COL2A1: variants seen among roughly 807,000 people sequenced by gnomAD.
The protein encoded by COL2A1 is collagen alpha-1(II) chain.
COL2A1 carries 28 observed loss-of-function variants against 204.5 expected under a neutral mutation model. The observed-to-expected ratio is 0.14, with a 90% CI of 0.10 to 0.19. COL2A1 has a LOEUF of 0.19. Ranked by LOEUF, COL2A1 falls within the 10% of genes least tolerant of loss-of-function variation. The pLI is 1.00. For synonymous variants in COL2A1, 708 were observed against 718.7 expected (o/e 0.99, Z 0.24); for missense variants, 1,388 against 2,027.5 (o/e 0.68, Z 6.06).
intron 16 of COL2A1, 73 bp from the exon 17 acceptor site, chr12:47,989,878 A>G: frequency 6.9e-7 from 1 of 1,441,492 alleles, no homozygotes; most frequent in Non-Finnish European, 9.7e-7. Flanking sequence ...GCCCACCCTT[A>G]CAGAAAACGA....
At chr12:47,994,301 A>G (rs1455012810) in intron 12 of COL2A1, 123 bp downstream of exon 12, 10 of 1,106,948 alleles carry the variant, frequency 9.0e-6, no homozygotes, top group Non-Finnish European at 1.4e-5. Context: ...GGTCGTGATA[A>G]ATATAGGGGC....
rs755824570 is a variant in COL2A1, at chr12:47,982,617, G to A, written c.2194-8C>T. On this transcript the variant is annotated splice_polypyrimidine_tract_variant and splice_region_variant and intron_variant, in intron 33 of 53. Transcript: ENST00000380518. ...TGCTGGGCCAGATGCACCCTGGGGA[G>A]GGAGGTAAGAGGGAGTCTGTAGTGG... 2 of 1,601,518 alleles carry A rather than the reference G, an allele frequency of 1.2e-6. No individual in the cohort carries two copies. The highest frequency in any genetic ancestry group is 1.7e-4 in the Middle Eastern group (1 of 5,874).
chr12:47,987,025 G>A lies in COL2A1; in HGVS notation c.1365+53C>T. 1 of 1,587,482 alleles carries A rather than the reference G, an allele frequency of 6.3e-7. No individual in the cohort carries two copies. Among genetic ancestry groups the A allele is most frequent in the Non-Finnish European group, 8.7e-7 (1 of 1,155,778 alleles). ...GAGAGCATGGGAAAGAGGGGTGATGGGGTTTGACTCCAGAGATGTCAGTGG... is the reference window on the plus strand; with the variant it reads ...GAGAGCATGGGAAAGAGGGGTGATGAGGTTTGACTCCAGAGATGTCAGTGG... On this transcript the variant is annotated intron_variant, in intron 21 of 53. Coordinates refer to ENST00000380518, the MANE Select transcript of COL2A1 (RefSeq NM_001844.5). This position sits in a 1 kb window ranked among gnomAD's most constrained non-coding sequence, Gnocchi z 4.1.
At position 48,000,001 on chromosome 12, in the gene COL2A1, T is replaced by C; in HGVS notation, c.210A>G (p.Glu70=). 6.2e-7 allele frequency: 1 copy of C among 1,614,218 alleles called. No homozygotes were observed. Among genetic ancestry groups the C allele is most frequent in the African/African-American group, 1.3e-5 (1 of 75,058 alleles). ...CAGGGCTGAGGCAGTCTTTCACGTC[T>C]TCACAGATTATGTCGTCGCAGAGGA... ...GTVLCDDIIC[E]DVKDCLSPEI... The change falls in exon 2 of 54, where the codon GAA becomes GAG. Residue 70 remains glutamate (E), a synonymous_variant. Coordinates refer to ENST00000380518, the MANE Select transcript of COL2A1 (RefSeq NM_001844.5).
chr12:48,005,897 G>T (rs1940452254), upstream of COL2A1, among the ~76,000 whole-genome samples: 1 of 152,214 alleles, frequency 6.6e-6, no homozygotes, highest in Non-Finnish European at 1.5e-5. Context: ...CCCATCCCTA[G>T]CCTATCATGC....
Position 47,982,584 on chromosome 12 carries a change from G to T in COL2A1, c.2219C>A (p.Pro740His), listed in dbSNP as rs774819000. The part of the protein sequence containing the change: ...PKGASGPAGP[P>H]GAQGPPGLQG... ...AAGACCTGGAGGGCCCTGAGCCCCAGGGGGGCCTGCTGGGCCAGATGCACC... is the reference window on the plus strand; with the variant it reads ...AAGACCTGGAGGGCCCTGAGCCCCATGGGGGCCTGCTGGGCCAGATGCACC... Residue 740 changes from proline (P) to histidine (H), a missense_variant, in exon 34 of 54, where the codon CCT becomes CAT. Around this residue, in one of 3 missense-constraint regions of COL2A1, gnomAD observed 884 missense variants for 1,415.8 expected, o/e 0.62. Transcript: ENST00000380518. The T allele has an allele frequency of 7.4e-6, 12 of 1,612,986 alleles. No homozygotes were observed. Among genetic ancestry groups the T allele is most frequent in the Non-Finnish European group, 8.5e-6 (10 of 1,179,592 alleles).
Position 48,000,101 on chromosome 12 carries a change from T to C in COL2A1, c.110A>G (p.Asp37Gly). The change falls in exon 2 of 54, where the codon GAT (aspartate) becomes GGT (glycine). Residue 37 changes from aspartate (D) to glycine (G), a missense_variant. Physicochemically the swap from Asp to Gly is moderately conservative, Grantham distance 94 (BLOSUM62 -1). Around this residue, in one of 3 missense-constraint regions of COL2A1, gnomAD observed 201 missense variants for 242.4 expected, o/e 0.83. Transcript: ENST00000380518. ...DVQEAGSCVQ[D>G]GQRYNDKDVW... The stretch of plus-strand genomic sequence containing the variant: ...ATCCTTATCATTATACCTCTGCCCA[T>C]CCTGCACACAGCTGCCAGCCTCCTC... The C allele has an allele frequency of 6.2e-7, 1 of 1,612,734 alleles. No individual in the cohort carries two copies. The highest frequency in any genetic ancestry group is 8.5e-7 in the Non-Finnish European group (1 of 1,179,804).
Position 47,999,655 on chromosome 12 carries a change from T to TTTTTTG in COL2A1, c.292+263_292+264insCAAAAA. ...GAGGATTTTTTTTTTTTTTTTTTTG[T>TTTTTTG]AGAATCACATCTGTCCTTCATGTGT... On this transcript the variant is annotated intron_variant, in intron 2 of 53. Coordinates refer to ENST00000380518, the MANE Select transcript of COL2A1 (RefSeq NM_001844.5). The TTTTTTG allele has an allele frequency of 1.1e-5, 2 of 185,846 alleles. 1 individual carries two copies. Among genetic ancestry groups the TTTTTTG allele is most frequent in the Non-Finnish European group, 2.2e-5 (2 of 90,690 alleles). 11.5% of individuals were successfully genotyped at this position (185,846 alleles called of 1,614,324 possible).
At chr12:47,988,517 A>G (rs1006720475) in intron 18 of COL2A1, 2 of 155,182 alleles carry the variant, frequency 1.3e-5, no homozygotes, top group African/African-American at 4.8e-5. Flanking sequence ...AGCCCCCCTC[A>G]CCTTCCGCTG....
chr12:47,975,262 C>A, intron 51 of COL2A1, 55 bp downstream of exon 51: 3 of 1,602,458 alleles, frequency 1.9e-6, no homozygotes, highest in Non-Finnish European at 1.7e-6. Flanking sequence ...TGCTGCTAGG[C>A]CTAAGGGATG....
At chr12:47,995,384 T>C in intron 10 of COL2A1, 76 bp from the exon 11 acceptor site, 1 of 1,298,930 alleles carries the variant, frequency 7.7e-7, no homozygotes, top group African/African-American at 1.5e-5. Flanking sequence ...ACTTTGACAT[T>C]GTAGTTTTGG....
At chr12:47,986,300 A>G (rs769379033) in intron 23 of COL2A1, 36 bp downstream of exon 23, 45 of 1,375,572 alleles carry the variant, frequency 3.3e-5, no homozygotes, top group Non-Finnish European at 4.4e-5. Flanking sequence ...TCGAGGTCAC[A>G]GGCCCCATGG....
intron 8 of COL2A1, 116 bp from the exon 9 acceptor site, chr12:47,996,035 A>G (rs1269602799): frequency 1.2e-6 from 1 of 835,848 alleles, no homozygotes; most frequent in Non-Finnish European, 2.1e-6. Flanking sequence ...CTCTGTGGGC[A>G]AGGGGCCTAG....
intron 27 of COL2A1, 51 bp downstream of exon 27, chr12:47,984,944 G>A (rs1939308164): frequency 1.4e-6 from 2 of 1,470,784 alleles, no homozygotes; most frequent in Non-Finnish European, 1.9e-6. Flanking sequence ...AGAGGGCAGG[G>A]AGGTAGGTAG....
intron 8 of COL2A1, 28 bp from the exon 9 acceptor site, chr12:47,995,947 T>C: frequency 6.3e-7 from 1 of 1,596,792 alleles, no homozygotes; most frequent in South Asian, 1.1e-5. Context: ...ATGAGGGGTT[T>C]ACTACACATG....
rs933389871 is a variant in COL2A1 at position 47,985,485 on chromosome 12, C to T, written c.1734+49G>A. ...TCCATCTCTCTTTTCCCTTGCTTCC[C>T]CAGGGAGATCCCCCCACCCTCCTAG... On this transcript the variant is annotated intron_variant, in intron 26 of 53. Transcript: ENST00000380518. 2.5e-6 allele frequency: 4 copies of T among 1,584,790 alleles called. No homozygotes were observed. In the Admixed American group the frequency reaches 5.0e-5, roughly 20 times the overall value.
At chr12:47,996,392 C>G (rs1265995508) in intron 8 of COL2A1, among the ~76,000 whole-genome samples, 156 bp downstream of exon 8, 1 of 152,206 alleles carries the variant, frequency 6.6e-6, no homozygotes, top group Non-Finnish European at 1.5e-5. Flanking sequence ...CCATTAAAAA[C>G]CAAATGCTTT....
intron 1 of COL2A1, among the ~76,000 whole-genome samples, chr12:48,001,563 A>G (rs1940234020): frequency 6.6e-6 from 1 of 152,048 alleles, no homozygotes; most frequent in Non-Finnish European, 1.5e-5. Context: ...AGAGGGGGAA[A>G]TGCTAGGAGA....
intron 28 of COL2A1, among the ~76,000 whole-genome samples, 194 bp downstream of exon 28, chr12:47,984,352 C>A (rs192359763): frequency 1.3e-5 from 2 of 152,274 alleles, no homozygotes; most frequent in African/African-American, 4.8e-5. Context: ...AGCTCCCCGG[C>A]CTGCTGACCA....
Sources: allele counts gnomAD v4.1 joint callset (sites outside exome capture counted in the v4.1 genomes callset), GRCh38; gene constraint gnomAD v4.1.1; regional missense constraint gnomAD v4.1.1; non-coding constraint Gnocchi (gnomAD v3.1); transcripts MANE v1.5; gene names NCBI Gene and HGNC (gene_info 2026-07-23, HGNC 2026-07-21).